Variants in CRACDL observed in about 807,000 individuals in gnomAD.
CRACDL encodes CRACD-like protein.
CRACDL carries 26 observed loss-of-function variants against 70.6 expected under a neutral mutation model. The observed-to-expected ratio is 0.37, with a 90% CI of 0.27 to 0.51. CRACDL has a LOEUF of 0.51. Among genes scored for constraint, CRACDL ranks in the 20% least tolerant of loss-of-function variants. CRACDL has a pLI of 0.94. For synonymous variants in CRACDL, 618 were observed against 615.2 expected, an observed-to-expected ratio of 1.00 and a Z score of -0.07; for missense variants, 1,283 against 1,376.9, an observed-to-expected ratio of 0.93 and a Z score of 1.08.
intron 1 of CRACDL, among the ~76,000 whole-genome samples, chr2:98,849,572 C>T (rs1013322326): frequency 3.3e-5 from 5 of 151,104 alleles, no homozygotes; most frequent in East Asian, 2.0e-4. Flanking sequence ...GGCGGAGGGC[C>T]GGGGAGGGGG....
chr2:98,796,137 A>G lies in CRACDL; in HGVS notation c.2732T>C (p.Leu911Ser), dbSNP rs1193898458. 13 of 1,614,078 alleles carry G rather than the reference A, an allele frequency of 8.1e-6. No homozygotes were observed. The highest frequency in any genetic ancestry group is 3.3e-5 in the Admixed American group (2 of 60,010). The change falls in exon 9 of 10, where the codon TTG becomes TCG. Residue 911 changes from leucine to serine, a missense_variant. This residue lies in a region of CRACDL where 921 missense variants were observed against 881.9 expected (regional missense o/e 1.04). Transcript: ENST00000397899. ...FKEGLQRGIS[L>S]SHQNLAQSAV... is the part of the protein sequence containing the mutation. Reference sequence around the variant, plus strand: ...TTTCATACCCAAGTTCTGATGGGACAATGAGATTCCTCTTTGCAGCCCCTC... The same window carrying G: ...TTTCATACCCAAGTTCTGATGGGACGATGAGATTCCTCTTTGCAGCCCCTC...
At chr2:98,863,522 G>A (rs912326964) in intron 1 of CRACDL, among the ~76,000 whole-genome samples, 19 of 152,078 alleles carry the variant, frequency 1.2e-4, no homozygotes, top group African/African-American at 4.3e-4. Flanking sequence ...TGTAAAAATG[G>A]TTTGTAACTC....
intron 1 of CRACDL, among the ~76,000 whole-genome samples, chr2:98,908,760 G>A (rs1708476075): frequency 6.6e-6 from 1 of 152,072 alleles, no homozygotes; most frequent in Non-Finnish European, 1.5e-5. Context: ...GTGGTGCAAC[G>A]ACATTCAGAG....
chr2:98,827,277 C>T lies in CRACDL; in HGVS notation c.541-108G>A, dbSNP rs560398917. ...TGCCCAGGCTGTCTTCCCACACTGT[C>T]TCTGGCTTTACGTGTGTGGAAATAC... On this transcript the variant is annotated intron_variant, in intron 5 of 9. Coordinates refer to ENST00000397899, the MANE Select transcript of CRACDL (RefSeq NM_207362.3). 2,269 of 747,790 alleles carry T rather than the reference C, an allele frequency of 3.0e-3. 10 individuals are homozygous for T. Among genetic ancestry groups the T allele is most frequent in the Non-Finnish European group, 3.8e-3 (1,659 of 440,132 alleles). 46.3% of individuals were successfully genotyped at this position (747,790 alleles called of 1,614,324 possible).
In CRACDL at chr2:98,822,492, G is replaced by C. The variant is rs1427891889; in HGVS notation, c.1781C>G (p.Ala594Gly). The C allele has an allele frequency of 3.4e-6, 5 of 1,461,984 alleles. No homozygotes were observed. The East Asian group carries it at 1.5e-4, about 44-fold the overall frequency. 90.6% of individuals were successfully genotyped at this position (1,461,984 alleles called of 1,614,324 possible). A position where few individuals can be genotyped will look rare whatever the true frequency, so the allele number is the denominator to read the frequency against. Residue 594 changes from alanine to glycine, a missense_variant, in exon 7 of 10, where the codon GCC becomes GGC. By Grantham distance (60) the Ala-to-Gly change is moderately conservative. This residue lies in a region of CRACDL where 921 missense variants were observed against 881.9 expected (regional missense o/e 1.04). Coordinates refer to ENST00000397899, the MANE Select transcript of CRACDL (RefSeq NM_207362.3). The surrounding 1 kb of genome is among the most constrained non-coding windows in gnomAD (Gnocchi z 4.9). ...RPGVSRPLER[A>G]SGRLPLARSG... is the part of the protein sequence containing the mutation. ...CCTCGCGAGGGGCAGGCGGCCGCTGGCCCGTTCCAGCGGGCGGGAGACGCC... is the reference window on the plus strand; with the variant it reads ...CCTCGCGAGGGGCAGGCGGCCGCTGCCCCGTTCCAGCGGGCGGGAGACGCC...
chr2:98,896,092 TG>T (rs1006729177), intron 1 of CRACDL, among the ~76,000 whole-genome samples: 2 of 150,636 alleles, frequency 1.3e-5, no homozygotes, highest in Admixed American at 1.3e-4. Flanking sequence ...GAACCGGGAG[TG>T]GGGGGCTGTG....
At chr2:98,843,647 T>C (rs1431314695) in intron 2 of CRACDL, among the ~76,000 whole-genome samples, 4 of 152,232 alleles carry the variant, frequency 2.6e-5, no homozygotes, top group African/African-American at 9.6e-5. Context: ...GAATTGATTT[T>C]GCAATTTTGT....
At chr2:98,855,548 A>G (rs961874301) in intron 1 of CRACDL, among the ~76,000 whole-genome samples, 2 of 152,168 alleles carry the variant, frequency 1.3e-5, no homozygotes, top group Non-Finnish European at 2.9e-5. Context: ...TATCCAAAAA[A>G]AAGGGAAGCA....
At position 98,838,154 on chromosome 2, in the gene CRACDL, G is replaced by A. The variant is rs371024776; in HGVS notation, c.204C>T (p.Ser68=). The change falls in exon 3 of 10, where the codon TCC becomes TCT. Residue 68 remains serine, a synonymous_variant. Coordinates refer to ENST00000397899, the MANE Select transcript of CRACDL (RefSeq NM_207362.3). The part of the protein sequence containing the change: ...QTRNEVIAIE[S]GPVGYDSEDE... ...CCTCGGAGTCGTAGCCCACTGGCCC[G>A]GATTCGATGGCAATGACCTCATTCC... 50 of 1,613,246 alleles carry A rather than the reference G, an allele frequency of 3.1e-5. No individual in the cohort carries two copies. The highest frequency in any genetic ancestry group is 3.3e-5 in the Admixed American group (2 of 59,856).
chr2:98,932,687 G>A (rs1446051268), intron 1 of CRACDL, among the ~76,000 whole-genome samples: 2 of 152,096 alleles, frequency 1.3e-5, no homozygotes, highest in African/African-American at 2.4e-5. Flanking sequence ...CAGCAGCCCC[G>A]ACGGCTCTCC....
intron 1 of CRACDL, among the ~76,000 whole-genome samples, chr2:98,867,954 T>C (rs1400081604): frequency 6.6e-6 from 1 of 152,172 alleles, no homozygotes; most frequent in African/African-American, 2.4e-5. Flanking sequence ...CTGAATTTGT[T>C]TTTGTTTTTG....
chr2:98,867,732 C>T (rs1458999063), intron 1 of CRACDL, among the ~76,000 whole-genome samples: 1 of 152,208 alleles, frequency 6.6e-6, no homozygotes, highest in Non-Finnish European at 1.5e-5. Context: ...TGAGTGAGAG[C>T]TATGACTCGT....
intron 7 of CRACDL, among the ~76,000 whole-genome samples, chr2:98,819,890 G>C (rs1380381742): frequency 6.9e-6 from 1 of 145,720 alleles, no homozygotes; most frequent in Non-Finnish European, 1.5e-5. Context: ...CGTGATCTCG[G>C]CTCACTGCAA....
intron 7 of CRACDL, among the ~76,000 whole-genome samples, chr2:98,819,109 T>TA (rs904548823): frequency 2.6e-5 from 4 of 151,946 alleles, no homozygotes; most frequent in Non-Finnish European, 4.4e-5. Flanking sequence ...AAGCTGTTAA[T>TA]AAAAAAAATA....
chr2:98,871,849 T>C (rs1040618994), intron 1 of CRACDL, among the ~76,000 whole-genome samples: 1 of 152,010 alleles, frequency 6.6e-6, no homozygotes, highest in African/African-American at 2.4e-5. Context: ...CCACCATACA[T>C]TGCAATGGGG....
chr2:98,920,859 C>T (rs1393028660), intron 1 of CRACDL, among the ~76,000 whole-genome samples: 1 of 152,212 alleles, frequency 6.6e-6, no homozygotes, highest in Non-Finnish European at 1.5e-5. Flanking sequence ...ATATCCAGTG[C>T]TGTGCCCACA....
chr2:98,841,432 A>G (rs377401385), intron 2 of CRACDL, among the ~76,000 whole-genome samples: 1 of 152,034 alleles, frequency 6.6e-6, no homozygotes, highest in East Asian at 1.9e-4. Flanking sequence ...TATACTACAC[A>G]TTTGATTACA....
At chr2:98,907,636 C>T (rs185414147) in intron 1 of CRACDL, among the ~76,000 whole-genome samples, 2 of 152,192 alleles carry the variant, frequency 1.3e-5, no homozygotes, top group African/African-American at 4.8e-5. Flanking sequence ...TGAAGGCACT[C>T]CCAGACAGAA....
intron 1 of CRACDL, among the ~76,000 whole-genome samples, chr2:98,898,855 A>G (rs1465485711): frequency 6.6e-6 from 1 of 152,222 alleles, no homozygotes; most frequent in Non-Finnish European, 1.5e-5. Flanking sequence ...AAAGAAGATA[A>G]TATTTTTTTT....
Sources: gnomAD v4.1 joint callset for allele counts (sites outside exome capture counted in the v4.1 genomes callset) on GRCh38, gnomAD v4.1.1 for gene constraint, gnomAD v4.1.1 regional missense constraint, Gnocchi (gnomAD v3.1) non-coding constraint, MANE v1.5 for transcripts, NCBI Gene and HGNC (gene_info 2026-07-23, HGNC 2026-07-21) for gene names.